The following BIN3 variants were observed in gnomAD, a reference collection of about 807,000 sequenced individuals.
BIN3 encodes the protein bridging integrator 3.
In BIN3, 41 loss-of-function variants were observed where a neutral mutation model predicts 38.2. The observed-to-expected ratio is 1.07, with a 90% confidence interval of 0.84 to 1.39. The LOEUF (loss-of-function observed/expected upper bound fraction) is 1.39. Ranked by LOEUF, BIN3 falls within the 40% of genes most tolerant of loss-of-function variation. BIN3 has a pLI of 0.00. For synonymous variants in BIN3, 145 were observed against 122.6 expected, an observed-to-expected ratio of 1.18 and a Z score of -1.21; for missense variants, 361 against 324.3, an observed-to-expected ratio of 1.11 and a Z score of -0.87.
chr8:22,637,653 A>G (rs1802415671), intron 2 of BIN3, among the ~76,000 whole-genome samples: 1 of 152,228 alleles, frequency 6.6e-6, no homozygotes, highest in East Asian at 1.9e-4. Flanking sequence ...TAAGAAGTCT[A>G]GTACTTTCTT....
At chr8:22,644,597 C>T in intron 2 of BIN3, 158 bp downstream of exon 2, 2 of 683,606 alleles carry the variant, frequency 2.9e-6, no homozygotes, top group Non-Finnish European at 5.2e-6. Context: ...CCCCTCTAAG[C>T]CTCAGTCTAT....
intron 1 of BIN3, among the ~76,000 whole-genome samples, chr8:22,660,883 CTTTTT>C (rs1803213881): frequency 6.6e-6 from 1 of 152,054 alleles, no homozygotes; most frequent in Non-Finnish European, 1.5e-5. Context: ...TCTTTCTTTT[CTTTTT>C]TAACTTAGTT....
At chr8:22,644,993 G>A in intron 1 of BIN3, 190 bp from the exon 2 acceptor site, 1 of 543,328 alleles carries the variant, frequency 1.8e-6, no homozygotes, top group Non-Finnish European at 3.4e-6. Flanking sequence ...AGAGAGATAG[G>A]TCCTCCCACC....
chr8:22,623,501 C>T (rs79350651), intron 8 of BIN3, among the ~76,000 whole-genome samples: 1 of 152,190 alleles, frequency 6.6e-6, no homozygotes, highest in Non-Finnish European at 1.5e-5. Flanking sequence ...GACTGGCTCA[C>T]GGTAGGCAGG....
At chr8:22,651,441 T>C (rs1802887823) in intron 1 of BIN3, among the ~76,000 whole-genome samples, 2 of 152,234 alleles carry the variant, frequency 1.3e-5, no homozygotes. Flanking sequence ...CTTTGACTTC[T>C]CTTTCATGAT....
chr8:22,659,824 A>C (rs1176093860), intron 1 of BIN3, among the ~76,000 whole-genome samples: 1 of 152,216 alleles, frequency 6.6e-6, no homozygotes, highest in Non-Finnish European at 1.5e-5. Flanking sequence ...TAGGGTCGCT[A>C]TGAAGGTTAA....
At chr8:22,623,323 C>A (rs1005280576) in intron 8 of BIN3, among the ~76,000 whole-genome samples, 2 of 152,172 alleles carry the variant, frequency 1.3e-5, no homozygotes, top group East Asian at 1.9e-4. Context: ...TGGAAGGAGA[C>A]GCTGGGGCCT....
At chr8:22,625,291 C>T (rs1256861069) in intron 6 of BIN3, 2 of 701,822 alleles carry the variant, frequency 2.8e-6, no homozygotes, top group African/African-American at 1.7e-5. Flanking sequence ...GGTGCAATGG[C>T]AGGGGGCGTC....
chr8:22,639,028 A>C (rs1802456350), intron 2 of BIN3, among the ~76,000 whole-genome samples: 1 of 152,186 alleles, frequency 6.6e-6, no homozygotes, highest in African/African-American at 2.4e-5. Context: ...AGTCTTAGCT[A>C]AAGGAACGGA....
chr8:22,628,247 C>T (rs911701965), intron 6 of BIN3, among the ~76,000 whole-genome samples: 22 of 152,198 alleles, frequency 1.4e-4, no homozygotes, highest in African/African-American at 4.6e-4. Flanking sequence ...GATTAGAGGC[C>T]GAGCCCCTGC....
At chr8:22,657,392 A>G (rs992769450) in intron 1 of BIN3, among the ~76,000 whole-genome samples, 2 of 152,256 alleles carry the variant, frequency 1.3e-5, no homozygotes, top group African/African-American at 4.8e-5. Flanking sequence ...AAAACCTAAA[A>G]AGAATACCCA....
chr8:22,641,658 C>A (rs35347771), intron 2 of BIN3, among the ~76,000 whole-genome samples: 2,733 of 152,298 alleles, frequency 0.018, 77 homozygotes, highest in African/African-American at 0.06. Flanking sequence ...AAGGGCCCCG[C>A]CACCTGGCAG....
intron 1 of BIN3, among the ~76,000 whole-genome samples, chr8:22,668,175 T>C (rs1336719584): frequency 6.6e-6 from 1 of 152,186 alleles, no homozygotes; most frequent in East Asian, 1.9e-4. Context: ...ATATGAGTAT[T>C]CTCTAACCTC....
Position 22,669,032 on chromosome 8 carries a change from G to T in BIN3, c.8+12C>A. The T allele has an allele frequency of 6.3e-7, 1 of 1,583,012 alleles. No homozygotes were observed. Among genetic ancestry groups the T allele is most frequent in the Non-Finnish European group, 8.6e-7 (1 of 1,165,084 alleles). On this transcript the variant is annotated intron_variant, in intron 1 of 8. Transcript: ENST00000276416. The stretch of plus-strand genomic sequence containing the variant: ...CGGGTCCAGCAGCTCCCGCCGCCTG[G>T]GCCTCACTCACCAGCTCATGGTCCC...
intron 1 of BIN3, among the ~76,000 whole-genome samples, chr8:22,664,020 G>A (rs374877660): frequency 6.6e-6 from 1 of 152,258 alleles, no homozygotes; most frequent in East Asian, 1.9e-4. Context: ...ACAGACTTTT[G>A]CACATTATAA....
intron 4 of BIN3, among the ~76,000 whole-genome samples, chr8:22,635,825 C>T (rs1434999100): frequency 2.0e-5 from 3 of 152,170 alleles, no homozygotes; most frequent in African/African-American, 4.8e-5. Flanking sequence ...GAATGGTCTC[C>T]ATCTCTCCCG....
chr8:22,636,489 TG>T (rs942100116), intron 4 of BIN3, 35 bp downstream of exon 4: 1 of 1,549,102 alleles, frequency 6.5e-7, no homozygotes, highest in African/African-American at 1.4e-5. Flanking sequence ...CTGCCCCACC[TG>T]CTCAAGCGAG....
chr8:22,645,580 G>C (rs140161943), intron 1 of BIN3, among the ~76,000 whole-genome samples: 9 of 134,984 alleles, frequency 6.7e-5, no homozygotes, highest in Non-Finnish European at 8.8e-5. Flanking sequence ...GGAAAGGCGA[G>C]GATGGCAGGA....
intron 6 of BIN3, chr8:22,625,088 C>T: frequency 2.2e-6 from 1 of 454,710 alleles, no homozygotes; most frequent in Non-Finnish European, 3.9e-6. Flanking sequence ...AGGAAAATGC[C>T]CTGAGGACCT....
Sources: allele counts gnomAD v4.1 joint callset (sites outside exome capture counted in the v4.1 genomes callset), GRCh38; gene constraint gnomAD v4.1.1; transcripts MANE v1.5; gene names NCBI Gene and HGNC (gene_info 2026-07-23, HGNC 2026-07-21).